Variants in IQCJ observed in about 807,000 individuals in gnomAD.
IQCJ encodes IQ domain-containing protein J.
IQCJ carries 9 observed loss-of-function variants against 11.0 expected under a neutral mutation model. The ratio of observed to expected loss-of-function variants is 0.82; its 90% CI spans 0.49 to 1.43. The LOEUF is 1.43. Among genes scored for constraint, IQCJ ranks in the 40% most tolerant of loss-of-function variants. The pLI is 0.00. For synonymous variants in IQCJ, 55 were observed against 51.3 expected, an observed-to-expected ratio of 1.07 and a Z score of -0.31; for missense variants, 146 against 133.2, an observed-to-expected ratio of 1.10 and a Z score of -0.47.
intron 1 of IQCJ, among the ~76,000 whole-genome samples, chr3:159,155,788 C>A (rs1372146298): frequency 6.6e-6 from 1 of 151,936 alleles, no homozygotes; most frequent in African/African-American, 2.4e-5. Context: ...ACTTGAAATT[C>A]TAGAAAAAAA....
At chr3:159,082,936 G>A (rs1048232479) in intron 1 of IQCJ, among the ~76,000 whole-genome samples, 12 of 152,028 alleles carry the variant, frequency 7.9e-5, no homozygotes, top group Non-Finnish European at 1.6e-4. Flanking sequence ...CACGAACCTC[G>A]ACCACATGCC....
At chr3:159,139,688 A>G (rs1343154545) in intron 1 of IQCJ, among the ~76,000 whole-genome samples, 4 of 152,200 alleles carry the variant, frequency 2.6e-5, no homozygotes, top group African/African-American at 9.7e-5. Context: ...GGGCTGGGAC[A>G]CCTGCCAGGG....
At chr3:159,094,324 T>C (rs1185602052) in intron 1 of IQCJ, among the ~76,000 whole-genome samples, 1 of 151,618 alleles carries the variant, frequency 6.6e-6, no homozygotes. Context: ...AGATTTGATA[T>C]TATAGAAAAG....
chr3:159,249,010 C>A (rs1200028304), intron 2 of IQCJ, among the ~76,000 whole-genome samples: 1 of 152,084 alleles, frequency 6.6e-6, no homozygotes, highest in Non-Finnish European at 1.5e-5. Context: ...GTGCCTGCCA[C>A]CACACCGGCT....
intron 1 of IQCJ, among the ~76,000 whole-genome samples, chr3:159,118,669 T>C (rs1229102461): frequency 6.6e-6 from 1 of 152,224 alleles, no homozygotes; most frequent in Non-Finnish European, 1.5e-5. Context: ...ATACTGCTCT[T>C]ACCCCGACCT....
At chr3:159,192,320 T>C (rs975371878) in intron 1 of IQCJ, among the ~76,000 whole-genome samples, 2 of 152,150 alleles carry the variant, frequency 1.3e-5, no homozygotes, top group Non-Finnish European at 2.9e-5. Flanking sequence ...TGGAGGGCAG[T>C]TTTTCTTGTG....
chr3:159,078,552 C>CT (rs373598878), intron 1 of IQCJ, among the ~76,000 whole-genome samples: 2,009 of 143,762 alleles, frequency 0.014, 18 homozygotes, highest in African/African-American at 0.031. Flanking sequence ...CGCCCCCCGC[C>CT]TTTTTTTTTT....
intron 1 of IQCJ, among the ~76,000 whole-genome samples, chr3:159,197,477 C>T (rs1030308212): frequency 2.6e-5 from 4 of 152,110 alleles, no homozygotes; most frequent in African/African-American, 4.8e-5. Flanking sequence ...CCATGGCATC[C>T]GAGCCTTCCC....
chr3:159,145,797 G>T (rs1007097825), intron 1 of IQCJ, among the ~76,000 whole-genome samples: 4 of 151,990 alleles, frequency 2.6e-5, no homozygotes, highest in African/African-American at 9.7e-5. Flanking sequence ...TATGTTTTGG[G>T]CATTAAACAT....
chr3:159,263,891 G>A, downstream of IQCJ: 2 of 893,768 alleles, frequency 2.2e-6, no homozygotes, highest in African/African-American at 1.8e-5. Flanking sequence ...AATTATTTAG[G>A]GGAATGGCTT....
chr3:159,200,030 C>CTATA (rs368929112), intron 1 of IQCJ, among the ~76,000 whole-genome samples: 5,252 of 119,732 alleles, frequency 0.044, 504 homozygotes, highest in African/African-American at 0.16. Flanking sequence ...GAGTAAACGA[C>CTATA]TATATATATA....
At chr3:159,124,911 T>C (rs955598057) in intron 1 of IQCJ, among the ~76,000 whole-genome samples, 2 of 152,168 alleles carry the variant, frequency 1.3e-5, no homozygotes, top group African/African-American at 4.8e-5. Context: ...GTGCTTTACA[T>C]TGATTACCTC....
intron 1 of IQCJ, among the ~76,000 whole-genome samples, chr3:159,149,478 G>T (rs773269019): frequency 5.9e-5 from 9 of 151,954 alleles, no homozygotes; most frequent in Non-Finnish European, 1.3e-4. Context: ...GTTCCAAATT[G>T]CTCTTTGGTA....
chr3:159,079,835 T>G (rs1026204668), intron 1 of IQCJ, among the ~76,000 whole-genome samples: 1 of 152,104 alleles, frequency 6.6e-6, no homozygotes, highest in African/African-American at 2.4e-5. Context: ...GAAAAATTCT[T>G]GAAAAATTAT....
At chr3:159,158,553 A>T (rs75516065) in intron 1 of IQCJ, among the ~76,000 whole-genome samples, 3 of 152,218 alleles carry the variant, frequency 2.0e-5, no homozygotes, top group African/African-American at 7.2e-5. Flanking sequence ...AATGCCAGCT[A>T]TATTTGTCTG....
chr3:159,102,583 C>G (rs535420903), intron 1 of IQCJ, among the ~76,000 whole-genome samples: 2 of 152,282 alleles, frequency 1.3e-5, no homozygotes, highest in Admixed American at 6.5e-5. Context: ...AACTGAATTT[C>G]TTGAGCACTG....
intron 1 of IQCJ, among the ~76,000 whole-genome samples, chr3:159,193,190 T>G (rs74878178): frequency 6.6e-6 from 1 of 152,284 alleles, no homozygotes; most frequent in African/African-American, 2.4e-5. Flanking sequence ...TATCTCTCTC[T>G]GCAAACCAAG....
chr3:159,193,479 A>C (rs1388673885), intron 1 of IQCJ, among the ~76,000 whole-genome samples: 1 of 152,176 alleles, frequency 6.6e-6, no homozygotes, highest in African/African-American at 2.4e-5. Context: ...CCATATGAGT[A>C]TGCCCTCTGC....
At chr3:159,216,357 C>T (rs577094764) in intron 1 of IQCJ, among the ~76,000 whole-genome samples, 50 of 152,220 alleles carry the variant, frequency 3.3e-4, no homozygotes, top group Non-Finnish European at 5.9e-4. Flanking sequence ...TCCTGGAATA[C>T]GCATAAAGAA....
Sources: gnomAD v4.1 joint callset for allele counts (sites outside exome capture counted in the v4.1 genomes callset) on GRCh38, gnomAD v4.1.1 for gene constraint, MANE v1.5 for transcripts, NCBI Gene and HGNC (gene_info 2026-07-23, HGNC 2026-07-21) for gene names.